PDS5B: variants seen among roughly 807,000 people sequenced by gnomAD.
PDS5B encodes the protein sister chromatid cohesion protein PDS5 homolog B.
A neutral mutation model predicts 184.1 loss-of-function variants in PDS5B; 51 were observed. The ratio of observed to expected loss-of-function variants is 0.28; its 90% CI spans 0.22 to 0.35. The LOEUF is 0.35. Among genes scored for constraint, PDS5B ranks in the 10% least tolerant of loss-of-function variants. The pLI is 1.00. For synonymous variants in PDS5B, 566 were observed against 569.2 expected (o/e 0.99, Z 0.08); for missense variants, 1,180 against 1,723.3 (o/e 0.68, Z 5.58).
At chr13:32,644,766 A>G (rs763884471) in intron 1 of PDS5B, among the ~76,000 whole-genome samples, 2 of 152,156 alleles carry the variant, frequency 1.3e-5, no homozygotes, top group South Asian at 4.1e-4. Flanking sequence ...TTTGTTTTAC[A>G]GTCATGAGTT....
chr13:32,647,058 T>C (rs868368289), intron 1 of PDS5B, among the ~76,000 whole-genome samples: 1 of 152,178 alleles, frequency 6.6e-6, no homozygotes, highest in South Asian at 2.1e-4. Context: ...TAACCCTGTT[T>C]GGCTTACTGA....
rs547824651 is a variant in PDS5B, at chr13:32,775,728, G to A, written c.*676G>A. ...TTGGATTACTTTACACCTCAGTATTGATTTGTCCCAGAATTTTCTGGCCTT... is the reference window on the plus strand; with the variant it reads ...TTGGATTACTTTACACCTCAGTATTAATTTGTCCCAGAATTTTCTGGCCTT... On this transcript the variant is annotated 3_prime_UTR_variant, in exon 35 of 35. Transcript: ENST00000315596. 3.4e-5 allele frequency: 15 copies of A among 435,946 alleles called. No homozygotes were observed. Among genetic ancestry groups the A allele is most frequent in the South Asian group, 2.4e-4 (14 of 59,398 alleles). 27.0% of individuals were successfully genotyped at this position (435,946 alleles called of 1,614,324 possible). A position where few individuals can be genotyped will look rare whatever the true frequency, so the allele number is the denominator to read the frequency against.
At chr13:32,756,620 TACCA>T (rs1269109951) in intron 26 of PDS5B, among the ~76,000 whole-genome samples, 2 of 152,196 alleles carry the variant, frequency 1.3e-5, no homozygotes, top group African/African-American at 4.8e-5. Context: ...AATAAAAGAT[TACCA>T]TTGGGATTTT....
intron 1 of PDS5B, among the ~76,000 whole-genome samples, chr13:32,610,366 T>G (rs897167879): frequency 6.6e-6 from 1 of 152,226 alleles, no homozygotes; most frequent in Admixed American, 6.5e-5. Context: ...TTTTGAGGAT[T>G]AGATAAAATA....
At chr13:32,715,895 G>T (rs1408907374) in intron 19 of PDS5B, among the ~76,000 whole-genome samples, 1 of 152,252 alleles carries the variant, frequency 6.6e-6, no homozygotes. Context: ...TCCTAACCGC[G>T]AGTGATCCGC....
intron 1 of PDS5B, among the ~76,000 whole-genome samples, chr13:32,630,388 G>T (rs1566262102): frequency 6.6e-6 from 1 of 152,150 alleles, no homozygotes; most frequent in African/African-American, 2.4e-5. Context: ...ACTGGGGATG[G>T]TGATGGTGTG....
intron 33 of PDS5B, among the ~76,000 whole-genome samples, chr13:32,771,379 T>C (rs1954779782): frequency 6.6e-6 from 1 of 152,196 alleles, no homozygotes; most frequent in Non-Finnish European, 1.5e-5. Flanking sequence ...CAAATTTTAG[T>C]GTCACCAGAG....
At chr13:32,697,487 G>C (rs1951739778) in intron 15 of PDS5B, among the ~76,000 whole-genome samples, 1 of 152,186 alleles carries the variant, frequency 6.6e-6, no homozygotes, top group Non-Finnish European at 1.5e-5. Context: ...GAGATCTTAA[G>C]ATGGATCTGA....
At chr13:32,665,588 C>CAAAAAAAAAAAAAAAAA (rs34604938) in intron 6 of PDS5B, among the ~76,000 whole-genome samples, 2 of 25,882 alleles carry the variant, frequency 7.7e-5, no homozygotes, top group Admixed American at 6.5e-4. Flanking sequence ...GACTCCGACT[C>CAAAAAAAAAAAAAAAAA]AAAAAAAAAA....
intron 18 of PDS5B, among the ~76,000 whole-genome samples, chr13:32,707,404 CATT>C (rs891338671): frequency 1.3e-5 from 2 of 151,576 alleles, no homozygotes; most frequent in African/African-American, 2.4e-5. Context: ...AATATTAATT[CATT>C]ATTGACAACT....
chr13:32,665,403 A>G (rs1343112538), intron 6 of PDS5B, among the ~76,000 whole-genome samples: 4 of 151,792 alleles, frequency 2.6e-5, no homozygotes, highest in Non-Finnish European at 5.9e-5. Context: ...CATCCTGGCT[A>G]ACACAGTGAA....
intron 1 of PDS5B, among the ~76,000 whole-genome samples, chr13:32,607,455 G>A (rs1053477924): frequency 8.5e-5 from 13 of 152,214 alleles, no homozygotes; most frequent in Non-Finnish European, 1.8e-4. Context: ...GCTGTATGAG[G>A]TGTCAGTCGG....
chr13:32,696,445 A>G (rs1427089668), intron 14 of PDS5B, among the ~76,000 whole-genome samples: 3 of 152,022 alleles, frequency 2.0e-5, no homozygotes, highest in South Asian at 4.1e-4. Flanking sequence ...TGTCAGTCAC[A>G]TCTTAATTGT....
intron 1 of PDS5B, among the ~76,000 whole-genome samples, chr13:32,595,043 A>G (rs1593231105): frequency 6.6e-6 from 1 of 152,034 alleles, no homozygotes; most frequent in African/African-American, 2.4e-5. Context: ...TGAATTTCCC[A>G]TCTTCTTTTT....
At chr13:32,732,951 C>T (rs1009103833) in intron 20 of PDS5B, among the ~76,000 whole-genome samples, 1 of 152,052 alleles carries the variant, frequency 6.6e-6, no homozygotes, top group Non-Finnish European at 1.5e-5. Context: ...AAAGTTGGTA[C>T]TTTTGTCATA....
Position 32,658,457 on chromosome 13 carries a change from T to C in PDS5B, c.423T>C (p.Tyr141=). The C allele has an allele frequency of 3.2e-6, 5 of 1,585,350 alleles. No homozygotes were observed. The highest frequency in any genetic ancestry group is 4.3e-6 in the Non-Finnish European group (5 of 1,159,534). The change falls in exon 5 of 35, where the codon TAT becomes TAC. Residue 141 remains tyrosine (Y), a synonymous_variant. Coordinates refer to ENST00000315596, the MANE Select transcript of PDS5B (RefSeq NM_015032.4). ...AGAACATTGCTTGGGTCAAGTCATA[T>C]AACATATGCTTTGAGTTAGAAGATA... ...LLENIAWVKS[Y]NICFELEDSN... is the part of the protein sequence containing the mutation.
intron 18 of PDS5B, among the ~76,000 whole-genome samples, chr13:32,707,957 A>G (rs752412363): frequency 2.6e-5 from 4 of 151,966 alleles, no homozygotes; most frequent in Admixed American, 2.0e-4. Flanking sequence ...TCCAGAAGAC[A>G]TGCCCACCAA....
intron 19 of PDS5B, among the ~76,000 whole-genome samples, chr13:32,717,731 AAAAAG>A (rs1952516772): frequency 6.6e-6 from 1 of 150,916 alleles, no homozygotes; most frequent in African/African-American, 2.4e-5. Flanking sequence ...AAAAAAAAAA[AAAAAG>A]CACCAATGTA....
intron 1 of PDS5B, among the ~76,000 whole-genome samples, chr13:32,601,479 G>T (rs759318208): frequency 6.6e-6 from 1 of 152,210 alleles, no homozygotes; most frequent in Non-Finnish European, 1.5e-5. Flanking sequence ...TGGTGAAAGG[G>T]ATAGCCATAT....
Sources: gnomAD v4.1 joint callset for allele counts (sites outside exome capture counted in the v4.1 genomes callset) on GRCh38, gnomAD v4.1.1 for gene constraint, MANE v1.5 for transcripts, NCBI Gene and HGNC (gene_info 2026-07-23, HGNC 2026-07-21) for gene names.